Variants in GPATCH2 observed in about 807,000 individuals in gnomAD.
The protein encoded by GPATCH2 is G patch domain-containing protein 2.
GPATCH2 carries 51 observed loss-of-function variants against 58.0 expected under a neutral mutation model. That is an observed-to-expected ratio of 0.88 (90% confidence interval 0.70 to 1.11). The LOEUF is 1.11. Among genes scored for constraint, GPATCH2 ranks in the 50% most tolerant of loss-of-function variants. The probability of loss-of-function intolerance (pLI) is 0.00; values close to 1 mark genes in which losing one functional copy is unlikely to be tolerated. For synonymous variants in GPATCH2, 222 were observed against 218.5 expected (o/e 1.02, Z -0.14); for missense variants, 625 against 652.2 (o/e 0.96, Z 0.45).
intron 2 of GPATCH2, among the ~76,000 whole-genome samples, chr1:217,619,022 A>T (rs144274682): frequency 6.6e-6 from 1 of 151,820 alleles, no homozygotes; most frequent in Non-Finnish European, 1.5e-5. Context: ...TTCTCAGGCC[A>T]TATTTACAGA....
At chr1:217,619,762 T>G in intron 2 of GPATCH2, 21 bp downstream of exon 2, 1 of 989,406 alleles carries the variant, frequency 1.0e-6, no homozygotes, top group Non-Finnish European at 1.5e-6. Context: ...TATTTTTATA[T>G]TTAGAGAATA....
chr1:217,552,448 A>G (rs1665411835), intron 5 of GPATCH2, among the ~76,000 whole-genome samples: 2 of 152,158 alleles, frequency 1.3e-5, no homozygotes. Flanking sequence ...CTGTTCCAGA[A>G]GCAGTAAAGG....
At chr1:217,622,077 G>A (rs1669215959) in intron 1 of GPATCH2, among the ~76,000 whole-genome samples, 1 of 152,156 alleles carries the variant, frequency 6.6e-6, no homozygotes, top group Admixed American at 6.5e-5. Flanking sequence ...TCAGCTACAC[G>A]ATCCCAGTGG....
At chr1:217,562,838 G>A (rs191250850) in intron 5 of GPATCH2, among the ~76,000 whole-genome samples, 72 of 152,254 alleles carry the variant, frequency 4.7e-4, no homozygotes, top group Admixed American at 1.2e-3. Context: ...GGTTAACTAA[G>A]ACACTTGGCA....
At chr1:217,431,819 T>C (rs888456671) in intron 9 of GPATCH2, among the ~76,000 whole-genome samples, 10 of 152,168 alleles carry the variant, frequency 6.6e-5, no homozygotes, top group Non-Finnish European at 1.2e-4. Context: ...GCCCATGACC[T>C]TGACATTCAA....
chr1:217,605,774 A>G (rs1015869150), intron 5 of GPATCH2, among the ~76,000 whole-genome samples: 10 of 152,328 alleles, frequency 6.6e-5, no homozygotes, highest in Non-Finnish European at 1.2e-4. Context: ...GCTATCTGGA[A>G]TGTATGCTTA....
intron 8 of GPATCH2, among the ~76,000 whole-genome samples, chr1:217,470,471 T>A (rs1223704618): frequency 2.0e-5 from 3 of 152,222 alleles, no homozygotes; most frequent in Non-Finnish European, 4.4e-5. Context: ...AAATGTCAAA[T>A]TCCTTTTTTT....
chr1:217,563,040 A>G (rs1666008281), intron 5 of GPATCH2, among the ~76,000 whole-genome samples: 1 of 152,202 alleles, frequency 6.6e-6, no homozygotes, highest in African/African-American at 2.4e-5. Flanking sequence ...ATTCACTCCA[A>G]ACTACACTTG....
intron 8 of GPATCH2, among the ~76,000 whole-genome samples, chr1:217,450,992 G>T (rs1659639957): frequency 6.6e-6 from 1 of 152,122 alleles, no homozygotes; most frequent in South Asian, 2.1e-4. Context: ...TGAAAATGGG[G>T]AGGGGGAAAA....
At chr1:217,469,317 T>A (rs777372239) in intron 8 of GPATCH2, among the ~76,000 whole-genome samples, 4 of 152,152 alleles carry the variant, frequency 2.6e-5, no homozygotes, top group Non-Finnish European at 5.9e-5. Context: ...CATTTAAATA[T>A]CAACATCTGT....
intron 8 of GPATCH2, among the ~76,000 whole-genome samples, chr1:217,486,922 A>G (rs1193188068): frequency 2.0e-5 from 3 of 152,194 alleles, no homozygotes; most frequent in Non-Finnish European, 4.4e-5. Flanking sequence ...AGTTCCATGA[A>G]GCTCCTCAAA....
At chr1:217,544,298 G>A (rs1664914834) in intron 5 of GPATCH2, among the ~76,000 whole-genome samples, 1 of 152,158 alleles carries the variant, frequency 6.6e-6, no homozygotes, top group African/African-American at 2.4e-5. Context: ...GGAGGCTGAG[G>A]CAGCAGTCAC....
intron 6 of GPATCH2, among the ~76,000 whole-genome samples, chr1:217,500,978 A>C (rs760297102): frequency 1.3e-5 from 2 of 152,088 alleles, no homozygotes; most frequent in Non-Finnish European, 2.9e-5. Context: ...AATATTTTGC[A>C]AACTATAGTG....
intron 5 of GPATCH2, among the ~76,000 whole-genome samples, chr1:217,516,144 G>GCACT (rs1663135589): frequency 6.7e-6 from 1 of 150,180 alleles, no homozygotes; most frequent in Non-Finnish European, 1.5e-5. Context: ...AGGGAACATA[G>GCACT]CACTGTACAA....
At chr1:217,498,623 A>G (rs1246611094) in intron 6 of GPATCH2, 1 of 588,388 alleles carries the variant, frequency 1.7e-6, no homozygotes, top group Admixed American at 3.1e-5. Context: ...CTGAGTTAGA[A>G]TTACATTTCC....
In GPATCH2 at chr1:217,604,603, G is replaced by A. The variant is rs148056440; in HGVS notation, c.1098+5718C>T. Among the ~76,000 whole-genome samples, 586 of 152,236 alleles carry A rather than the reference G, an allele frequency of 3.8e-3. 4 individuals carry two copies. Among genetic ancestry groups the A allele is most frequent in the African/African-American group, 0.014 (564 of 41,542 alleles). On this transcript the variant is annotated intron_variant, in intron 5 of 9. Transcript: ENST00000366935. Reference sequence around the variant, plus strand: ...CCACTCAAAAAATGTTAGATAATCAGTCATGGTCAAATTACAGTTGAGGAC... The same window carrying A: ...CCACTCAAAAAATGTTAGATAATCAATCATGGTCAAATTACAGTTGAGGAC...
At chr1:217,604,597 TAATC>T (rs1668270161) in intron 5 of GPATCH2, among the ~76,000 whole-genome samples, 1 of 152,190 alleles carries the variant, frequency 6.6e-6, no homozygotes, top group Admixed American at 6.5e-5. Flanking sequence ...AAATGTTAGA[TAATC>T]AGTCATGGTC....
intron 1 of GPATCH2, among the ~76,000 whole-genome samples, chr1:217,629,335 AGTGCTACCACTTT>A (rs954363343): frequency 6.6e-6 from 1 of 152,184 alleles, no homozygotes; most frequent in Non-Finnish European, 1.5e-5. Flanking sequence ...AAAAATACTA[AGTGCTACCACTTT>A]GTTATACTCT....
chr1:217,488,570 T>C (rs897696255), intron 8 of GPATCH2, among the ~76,000 whole-genome samples: 2 of 152,192 alleles, frequency 1.3e-5, no homozygotes, highest in Non-Finnish European at 2.9e-5. Context: ...CCTGTCATTA[T>C]ATTTCAGGTG....
Sources: allele counts gnomAD v4.1 joint callset (sites outside exome capture counted in the v4.1 genomes callset), GRCh38; gene constraint gnomAD v4.1.1; transcripts MANE v1.5; gene names NCBI Gene and HGNC (gene_info 2026-07-23, HGNC 2026-07-21).